PFKFB2: variants seen among roughly 807,000 people sequenced by gnomAD.
The protein encoded by PFKFB2 is 6-phosphofructo-2-kinase/fructose-2,6-bisphosphatase 2.
A neutral mutation model predicts 68.0 loss-of-function variants in PFKFB2; 53 were observed. The observed-to-expected ratio is 0.78, with a 90% CI of 0.63 to 0.98. PFKFB2 has a LOEUF of 0.98. PFKFB2 is among the 50% of genes least tolerant of loss of function. The pLI is 0.00. For missense variants in PFKFB2, 451 were observed against 642.0 expected, an observed-to-expected ratio of 0.70 and a Z score of 3.22; for synonymous variants, 222 against 227.6, an observed-to-expected ratio of 0.98 and a Z score of 0.22.
chr1:207,070,688 G>A lies in PFKFB2; in HGVS notation c.1222+279G>A, dbSNP rs943965636. On this transcript the variant is annotated intron_variant, in intron 12 of 14. Transcript: ENST00000367080. This position sits in a 1 kb window ranked among gnomAD's most constrained non-coding sequence, Gnocchi z 4.2. ...ATGCTGACACTCCTGGCAGCATCAG[G>A]ACAGTGGTTGAATATTCCCAGCCTG... is the stretch of plus-strand genomic sequence containing the variant. The A allele has an allele frequency of 2.6e-6, 1 of 379,438 alleles. No individual in the cohort carries two copies. The highest frequency in any genetic ancestry group is 4.9e-6 in the Non-Finnish European group (1 of 204,676). The allele number at this position is 379,438 out of a possible 1,614,324, so 23.5% of individuals were successfully genotyped here. A position where few individuals can be genotyped will look rare whatever the true frequency, so the allele number is the denominator to read the frequency against.
rs369624283 is a variant in PFKFB2, at chr1:207,068,267, G to A, written c.945G>A (p.Gly315=). The part of the protein sequence containing the change: ...KRTIQTAESL[G]VPYEQWKILN... ...CCATACAGACTGCTGAATCTCTCGG[G>A]GTGCCCTATGAGCAGTGGAAGATTC... The change falls in exon 10 of 15, where the codon GGG becomes GGA. Residue 315 remains glycine (G), a synonymous_variant. Coordinates refer to ENST00000367080, the MANE Select transcript of PFKFB2 (RefSeq NM_006212.2). 3 of 1,609,626 alleles carry A rather than the reference G, an allele frequency of 1.9e-6. No individual in the cohort carries two copies. Among genetic ancestry groups the A allele is most frequent in the Non-Finnish European group, 2.5e-6 (3 of 1,177,724 alleles).
At chr1:207,055,349 A>C (rs927018419) in intron 2 of PFKFB2, among the ~76,000 whole-genome samples, 4 of 151,980 alleles carry the variant, frequency 2.6e-5, no homozygotes, top group Admixed American at 6.6e-5. Flanking sequence ...TTTGTAAACT[A>C]TTTTCCCTAT....
Position 207,075,234 on chromosome 1 carries a change from T to TA in PFKFB2, c.*2864dup. 2 of 985,494 alleles carry TA rather than the reference T, an allele frequency of 2.0e-6. No homozygotes were observed. Among genetic ancestry groups the TA allele is most frequent in the African/African-American group, 1.7e-5 (1 of 57,364 alleles). The allele number at this position is 985,494 out of a possible 1,614,324, so 61.0% of individuals were successfully genotyped here. On this transcript the variant is annotated 3_prime_UTR_variant, in exon 15 of 15. Coordinates refer to ENST00000367080, the MANE Select transcript of PFKFB2 (RefSeq NM_006212.2). Reference sequence around the variant, plus strand: ...TTCATTCTGGCTCTCAGCCTGCTGTTATTTCCCCACTCTCACCTGTGCTAG... The same window carrying TA: ...TTCATTCTGGCTCTCAGCCTGCTGTTAATTTCCCCACTCTCACCTGTGCTAG...
intron 2 of PFKFB2, chr1:207,048,044 A>G (rs1469833765): frequency 6.6e-6 from 1 of 152,514 alleles, no homozygotes; most frequent in Non-Finnish European, 1.5e-5. Flanking sequence ...GCTCTTAACA[A>G]AAAGCTGAGA....
chr1:207,037,816 A>G (rs11120092), intron 1 of PFKFB2, among the ~76,000 whole-genome samples: 53,085 of 152,142 alleles, frequency 0.35, 9,943 homozygotes, highest in Middle Eastern at 0.51. Context: ...TTTGTCCTTG[A>G]GGCAGTTTAA....
At position 207,074,267 on chromosome 1, in the gene PFKFB2, A is replaced by G. The variant is rs1349739489; in HGVS notation, c.*1896A>G. On this transcript the variant is annotated 3_prime_UTR_variant, in exon 15 of 15. Transcript: ENST00000367080. ...GAATTCCTCATAGTCCTGAAAGGAC[A>G]GTTCTTTGGGTTTGATGTTTGAGCA... The G allele has an allele frequency of 2.0e-6, 2 of 985,144 alleles. No individual in the cohort carries two copies. The highest frequency in any genetic ancestry group is 1.7e-5 in the African/African-American group (1 of 57,242). 61.0% of individuals were successfully genotyped at this position (985,144 alleles called of 1,614,324 possible).
upstream of PFKFB2, chr1:207,051,155 T>G (rs762636983): frequency 9.9e-5 from 140 of 1,419,086 alleles, no homozygotes; most frequent in Non-Finnish European, 1.2e-4. Flanking sequence ...AGAACGAAGA[T>G]GTAAACCTCC....
chr1:207,049,329 A>G (rs1345862532), upstream of PFKFB2: 1 of 1,614,158 alleles, frequency 6.2e-7, no homozygotes, highest in Middle Eastern at 1.6e-4. Flanking sequence ...CAAAACGATC[A>G]ATTCTTACTG....
Position 207,063,503 on chromosome 1 carries a change from T to A in PFKFB2, c.450+82T>A. Reference sequence around the variant, plus strand: ...TACAGGCATGGATCTCTCACTCTAGTGGGTGAGGACAGGATGGGATATCTG... The same window carrying A: ...TACAGGCATGGATCTCTCACTCTAGAGGGTGAGGACAGGATGGGATATCTG... On this transcript the variant is annotated intron_variant, in intron 6 of 14. Coordinates refer to ENST00000367080, the MANE Select transcript of PFKFB2 (RefSeq NM_006212.2). The surrounding 1 kb of genome is among the most constrained non-coding windows in gnomAD (Gnocchi z 4.1). 3.2e-6 allele frequency: 3 copies of A among 931,656 alleles called. No homozygotes were observed. Among genetic ancestry groups the A allele is most frequent in the Non-Finnish European group, 1.7e-6 (1 of 575,022 alleles). The allele number at this position is 931,656 out of a possible 1,614,324, so 57.7% of individuals were successfully genotyped here.
rs1239816322 is a variant in PFKFB2, at chr1:207,070,198, C to T, written c.1093-82C>T. 2 of 1,548,346 alleles carry T rather than the reference C, an allele frequency of 1.3e-6. No individual in the cohort carries two copies. Among genetic ancestry groups the T allele is most frequent in the Admixed American group, 3.6e-5 (2 of 55,892 alleles). On this transcript the variant is annotated intron_variant, in intron 11 of 14. Transcript: ENST00000367080. This position sits in a 1 kb window ranked among gnomAD's most constrained non-coding sequence, Gnocchi z 4.2. Reference sequence around the variant, plus strand: ...GCCAGCTGAGGAAGAAGAAGTGGCCCTTAGTCTCCAAGGTCCAGCCACTGA... The same window carrying T: ...GCCAGCTGAGGAAGAAGAAGTGGCCTTTAGTCTCCAAGGTCCAGCCACTGA...
At position 207,077,291 on chromosome 1, in the gene PFKFB2, A is replaced by G; in HGVS notation, c.*4920A>G. The G allele has an allele frequency of 1.0e-6, 1 of 985,018 alleles. No homozygotes were observed. The highest frequency in any genetic ancestry group is 1.2e-6 in the Non-Finnish European group (1 of 829,554). 61.0% of individuals were successfully genotyped at this position (985,018 alleles called of 1,614,324 possible). ...GCCATGCATTTGGATTTTACACTTA[A>G]TCTAGTAAGTAAAAATGAGAAGAAA... On this transcript the variant is annotated 3_prime_UTR_variant, in exon 15 of 15. Transcript: ENST00000367080.
chr1:207,054,365 C>T (rs763793207), intron 1 of PFKFB2, among the ~76,000 whole-genome samples: 1 of 152,160 alleles, frequency 6.6e-6, no homozygotes, highest in Non-Finnish European at 1.5e-5. Context: ...ACACTTAATT[C>T]GATGAATCTC....
Position 207,065,875 on chromosome 1 carries a change from G to T in PFKFB2, c.632+715G>T, listed in dbSNP as rs565807867. Among the ~76,000 whole-genome samples, 3 of 152,308 alleles carry T rather than the reference G, an allele frequency of 2.0e-5. No individual in the cohort carries two copies. The East Asian group carries it at 5.8e-4, about 29-fold the overall frequency. On this transcript the variant is annotated intron_variant, in intron 8 of 14. Coordinates refer to ENST00000367080, the MANE Select transcript of PFKFB2 (RefSeq NM_006212.2). ...TCCAGACATGTCAGAGGTTCCCCGG[G>T]GGGCACAGTTATCCCTGGTTGAGAA...
intron 7 of PFKFB2, among the ~76,000 whole-genome samples, chr1:207,064,515 T>A (rs1027909766): frequency 1.3e-5 from 2 of 152,190 alleles, no homozygotes; most frequent in Non-Finnish European, 2.9e-5. Context: ...TTCTATACAT[T>A]GAGCTCCTTA....
upstream of PFKFB2, chr1:207,049,809 T>G: frequency 1.6e-6 from 2 of 1,287,710 alleles, no homozygotes; most frequent in Non-Finnish European, 1.1e-6. Flanking sequence ...AATTACAAAC[T>G]GAAGGAGTTA....
chr1:207,054,620 C>G (rs755940044), intron 1 of PFKFB2, 81 bp from the exon 2 acceptor site: 3 of 897,196 alleles, frequency 3.3e-6, no homozygotes, highest in Non-Finnish European at 5.2e-6. Flanking sequence ...TTATACCACA[C>G]GGATCCAATG....
rs1682869459 is a variant in PFKFB2, at chr1:207,054,749, A to G, written c.32A>G (p.Asn11Ser). The G allele has an allele frequency of 1.2e-6, 2 of 1,613,880 alleles. No homozygotes were observed. Among genetic ancestry groups the G allele is most frequent in the African/African-American group, 2.7e-5 (2 of 74,928 alleles). ...GGGGCATCTTCCTCAGAACAGAACA[A>G]CAACAGCTATGAAACCAAAACCCCA... MSGASSSEQNNNSYETKTPNL... is the reference protein window; with the variant it reads MSGASSSEQNSNSYETKTPNL... The change falls in exon 2 of 15, where the codon AAC becomes AGC. Residue 11 changes from asparagine to serine, a missense_variant. Physicochemically the swap from Asn to Ser is conservative, Grantham distance 46. Coordinates refer to ENST00000367080, the MANE Select transcript of PFKFB2 (RefSeq NM_006212.2).
At chr1:207,049,791 A>C (rs1026023375), upstream of PFKFB2, 3 of 1,433,992 alleles carry the variant, frequency 2.1e-6, no homozygotes, top group Non-Finnish European at 2.8e-6. Flanking sequence ...TCTCTAGCCA[A>C]GTCTGTAAAT....
At chr1:207,078,977 G>A (rs1287510110), downstream of PFKFB2, 6 of 1,612,306 alleles carry the variant, frequency 3.7e-6, 1 homozygote, top group South Asian at 5.5e-5. Flanking sequence ...CACTGGCTGT[G>A]CGCAGACGCC....
Sources: gnomAD v4.1 joint callset for allele counts (sites outside exome capture counted in the v4.1 genomes callset) on GRCh38, gnomAD v4.1.1 for gene constraint, Gnocchi (gnomAD v3.1) non-coding constraint, MANE v1.5 for transcripts, NCBI Gene and HGNC (gene_info 2026-07-23, HGNC 2026-07-21) for gene names.